The following SHROOM3 variants were observed in gnomAD, a reference collection of about 807,000 sequenced individuals.
SHROOM3 encodes protein Shroom3.
Under a neutral mutation model 138.6 loss-of-function variants are expected in SHROOM3, and 47 were observed. That is an observed-to-expected ratio of 0.34 (90% confidence interval 0.27 to 0.43). The LOEUF is 0.43. SHROOM3 is among the 20% of genes least tolerant of loss of function. SHROOM3 has a pLI of 1.00. For missense variants in SHROOM3, 2,491 were observed against 2,596.5 expected (o/e 0.96, Z 0.88); for synonymous variants, 1,062 against 1,063.3 (o/e 1.00, Z 0.02).
intron 1 of SHROOM3, among the ~76,000 whole-genome samples, chr4:76,551,893 G>T (rs550361128): frequency 6.6e-6 from 1 of 151,270 alleles, no homozygotes; most frequent in Admixed American, 6.6e-5. Context: ...ACAGAGTCTC[G>T]CTCTGTCACC....
At chr4:76,566,108 C>CAAAAAAAAAAAAAAAAAAAAAATAAA (rs1733719636) in intron 2 of SHROOM3, among the ~76,000 whole-genome samples, 1 of 59,344 alleles carries the variant, frequency 1.7e-5, no homozygotes, top group African/African-American at 6.1e-5. Context: ...AACCCTGTCT[C>CAAAAAAAAAAAAAAAAAAAAAATAAA]AAAAAAAAAA....
chr4:76,717,554 C>T (rs1462367084), intron 3 of SHROOM3, among the ~76,000 whole-genome samples: 2 of 151,738 alleles, frequency 1.3e-5, no homozygotes, highest in Non-Finnish European at 2.9e-5. Flanking sequence ...TTCTCCTTGC[C>T]TTTCAGTTTT....
rs114940326 is a variant in SHROOM3, at chr4:76,486,035, A to G, written c.168+49815A>G. Among the ~76,000 whole-genome samples the G allele has an allele frequency of 3.1e-3, 473 of 152,094 alleles. 3 individuals carry two copies. Among genetic ancestry groups the G allele is most frequent in the African/African-American group, 0.011 (444 of 41,494 alleles). On this transcript the variant is annotated intron_variant, in intron 1 of 10. Transcript: ENST00000296043. Reference sequence around the variant, plus strand: ...ATTTATTTATTTTTTGCGTTTTTCAATCTTGGATAGGACTAGTTGCTTCCC... The same window carrying G: ...ATTTATTTATTTTTTGCGTTTTTCAGTCTTGGATAGGACTAGTTGCTTCCC...
At chr4:76,451,902 C>T (rs1251896770) in intron 1 of SHROOM3, among the ~76,000 whole-genome samples, 1 of 152,164 alleles carries the variant, frequency 6.6e-6, no homozygotes, top group Non-Finnish European at 1.5e-5. Flanking sequence ...TATTCCCAGG[C>T]ACAATAATGG....
chr4:76,454,081 T>C (rs1730979472), intron 1 of SHROOM3, among the ~76,000 whole-genome samples: 1 of 152,224 alleles, frequency 6.6e-6, no homozygotes. Flanking sequence ...TTTGCTCTTG[T>C]TGCTCAGGCT....
At chr4:76,744,541 TAAAAC>T (rs987321351) in intron 5 of SHROOM3, among the ~76,000 whole-genome samples, 36 of 152,192 alleles carry the variant, frequency 2.4e-4, no homozygotes, top group South Asian at 1.0e-3. Flanking sequence ...GAGTAAAAAA[TAAAAC>T]AAAGTTACTC....
intron 2 of SHROOM3, among the ~76,000 whole-genome samples, chr4:76,611,252 GTCTC>G (rs143392800): frequency 8.7e-5 from 13 of 149,514 alleles, no homozygotes; most frequent in African/African-American, 2.9e-4. Flanking sequence ...CTCTCTCTGT[GTCTC>G]TCTCTCTCTC....
chr4:76,444,871 T>C (rs1730773436), intron 1 of SHROOM3, among the ~76,000 whole-genome samples: 1 of 150,950 alleles, frequency 6.6e-6, no homozygotes, highest in African/African-American at 2.4e-5. Context: ...ATGAGTCAGG[T>C]GGATCATTTG....
At chr4:76,766,139 C>T (rs961988063) in intron 9 of SHROOM3, among the ~76,000 whole-genome samples, 4 of 152,182 alleles carry the variant, frequency 2.6e-5, no homozygotes, top group Non-Finnish European at 5.9e-5. Flanking sequence ...CTTTCCTCAT[C>T]GGTAAACGGG....
rs574230959 is a variant in SHROOM3, at chr4:76,524,129, CGG to C, written c.169-31478_169-31477del. 1.3e-3 allele frequency among the ~76,000 whole-genome samples: 200 copies of C among 152,182 alleles called. 1 individual carries two copies. Among genetic ancestry groups the C allele is most frequent in the Non-Finnish European group, 2.8e-4 (19 of 68,016 alleles). On this transcript the variant is annotated intron_variant, in intron 1 of 10. Coordinates refer to ENST00000296043, the MANE Select transcript of SHROOM3 (RefSeq NM_020859.4). ...AATAGTTAGCAGGAGGTAGAGGGTC[CGG>C]GCAAATGTTTGTTTTTATAAGAAGA...
At chr4:76,451,050 C>T (rs949870888) in intron 1 of SHROOM3, among the ~76,000 whole-genome samples, 1 of 151,908 alleles carries the variant, frequency 6.6e-6, no homozygotes, top group Non-Finnish European at 1.5e-5. Flanking sequence ...CCTGGGTTCA[C>T]GCCATTCTCC....
At chr4:76,676,201 G>A (rs1414099432) in intron 2 of SHROOM3, among the ~76,000 whole-genome samples, 2 of 152,090 alleles carry the variant, frequency 1.3e-5, no homozygotes, top group Non-Finnish European at 2.9e-5. Flanking sequence ...AAAAATGGCT[G>A]GAGCAACTGG....
At chr4:76,724,840 G>T (rs898105847) in intron 3 of SHROOM3, among the ~76,000 whole-genome samples, 1 of 152,124 alleles carries the variant, frequency 6.6e-6, no homozygotes, top group African/African-American at 2.4e-5. Flanking sequence ...GGGCATTTAG[G>T]TTGTCTTCCA....
intron 2 of SHROOM3, among the ~76,000 whole-genome samples, chr4:76,698,083 A>C (rs1333900582): frequency 2.6e-5 from 4 of 152,182 alleles, no homozygotes; most frequent in African/African-American, 9.7e-5. Flanking sequence ...GTCCATGTAA[A>C]TTGTGCTCCC....
intron 4 of SHROOM3, among the ~76,000 whole-genome samples, chr4:76,732,710 A>T (rs1312970942): frequency 1.3e-5 from 2 of 152,246 alleles, no homozygotes; most frequent in Non-Finnish European, 2.9e-5. Flanking sequence ...GTGGAGCCTA[A>T]CAATGAAGGA....
chr4:76,447,205 C>G (rs182814623), intron 1 of SHROOM3, among the ~76,000 whole-genome samples: 181 of 152,218 alleles, frequency 1.2e-3, no homozygotes, highest in African/African-American at 4.2e-3. Flanking sequence ...GAAGTCAAAA[C>G]CCAGGCAATT....
At chr4:76,709,189 C>T (rs898289226) in intron 2 of SHROOM3, among the ~76,000 whole-genome samples, 6 of 152,206 alleles carry the variant, frequency 3.9e-5, no homozygotes, top group African/African-American at 1.4e-4. Flanking sequence ...TTCAGTAATC[C>T]CTTCCCCTCT....
At chr4:76,498,193 A>G (rs1325630917) in intron 1 of SHROOM3, among the ~76,000 whole-genome samples, 1 of 152,168 alleles carries the variant, frequency 6.6e-6, no homozygotes, top group African/African-American at 2.4e-5. Flanking sequence ...TTTTTATTTC[A>G]TGTTTATAGA....
intron 2 of SHROOM3, among the ~76,000 whole-genome samples, chr4:76,678,213 G>A (rs990410872): frequency 6.6e-6 from 1 of 152,150 alleles, no homozygotes; most frequent in Non-Finnish European, 1.5e-5. Context: ...ACTAGCTAAT[G>A]GAAAATTTTT....
Sources: allele counts gnomAD v4.1 joint callset (sites outside exome capture counted in the v4.1 genomes callset), GRCh38; gene constraint gnomAD v4.1.1; transcripts MANE v1.5; gene names NCBI Gene and HGNC (gene_info 2026-07-23, HGNC 2026-07-21).